The following CDC14B variants were observed in gnomAD, a reference collection of about 807,000 sequenced individuals.
CDC14B encodes dual specificity protein phosphatase CDC14B.
CDC14B carries 22 observed loss-of-function variants against 64.2 expected under a neutral mutation model. The ratio of observed to expected loss-of-function variants is 0.34; its 90% confidence interval spans 0.24 to 0.49. CDC14B has a LOEUF of 0.49. CDC14B is among the 20% of genes least tolerant of loss of function. The probability of loss-of-function intolerance (pLI) is 0.99; values close to 1 mark genes in which losing one functional copy is unlikely to be tolerated. For synonymous variants in CDC14B, 191 were observed against 215.8 expected (o/e 0.89, Z 1.01); for missense variants, 498 against 629.9 (o/e 0.79, Z 2.24).
At chr9:96,499,433 G>A (rs576339196), downstream of CDC14B, among the ~76,000 whole-genome samples, 5 of 152,350 alleles carry the variant, frequency 3.3e-5, no homozygotes, top group East Asian at 9.6e-4. Context: ...TCCGGGGTTG[G>A]ACCACAAGCT....
At chr9:96,561,412 A>G (rs1362456975) in intron 4 of CDC14B, among the ~76,000 whole-genome samples, 2 of 152,238 alleles carry the variant, frequency 1.3e-5, no homozygotes, top group Non-Finnish European at 1.5e-5. Flanking sequence ...ATGGTCCGGT[A>G]AGGCATGCCA....
chr9:96,543,466 A>G (rs1840378667), intron 5 of CDC14B, among the ~76,000 whole-genome samples: 1 of 152,206 alleles, frequency 6.6e-6, no homozygotes. Context: ...AGTAATACCA[A>G]TAAAACCACA....
At chr9:96,590,350 C>T (rs1446395485) in intron 1 of CDC14B, among the ~76,000 whole-genome samples, 1 of 150,552 alleles carries the variant, frequency 6.6e-6, no homozygotes, top group African/African-American at 2.5e-5. Flanking sequence ...GATAATATTC[C>T]ACTGTTAGAT....
At chr9:96,510,459 C>T (rs1160073681) in intron 12 of CDC14B, among the ~76,000 whole-genome samples, 1 of 151,512 alleles carries the variant, frequency 6.6e-6, no homozygotes, top group African/African-American at 2.4e-5. Flanking sequence ...GGAGGAAGCA[C>T]ACGATGAATC....
chr9:96,507,982 T>G (rs772327516), intron 13 of CDC14B, among the ~76,000 whole-genome samples: 4 of 152,114 alleles, frequency 2.6e-5, no homozygotes, highest in African/African-American at 9.7e-5. Flanking sequence ...TATAGTATAC[T>G]TACGCTTACA....
chr9:96,547,841 T>C (rs1378563869), intron 5 of CDC14B, among the ~76,000 whole-genome samples: 1 of 151,894 alleles, frequency 6.6e-6, no homozygotes, highest in Non-Finnish European at 1.5e-5. Flanking sequence ...CTGTTTTTTT[T>C]TTGAGATGGA....
intron 4 of CDC14B, among the ~76,000 whole-genome samples, chr9:96,556,966 C>T (rs571250396): frequency 4.6e-5 from 7 of 152,164 alleles, no homozygotes; most frequent in Admixed American, 4.6e-4. Context: ...AGGAACCCAT[C>T]CTATCTAAAA....
intron 1 of CDC14B, among the ~76,000 whole-genome samples, chr9:96,606,056 G>A (rs188635148): frequency 6.6e-5 from 10 of 150,936 alleles, no homozygotes; most frequent in Admixed American, 4.0e-4. Flanking sequence ...TTTGCTGCCC[G>A]GGAATGGTGG....
At chr9:96,510,411 A>C (rs765958656) in intron 12 of CDC14B, among the ~76,000 whole-genome samples, 43 of 152,178 alleles carry the variant, frequency 2.8e-4, no homozygotes, top group Non-Finnish European at 5.4e-4. Context: ...AACTCTAAAA[A>C]GCTTGAGAAA....
In CDC14B at chr9:96,619,747, C is replaced by A. The variant is rs1564401596; in HGVS notation, c.-369G>T. On this transcript the variant is annotated 5_prime_UTR_variant, in exon 1 of 14. Coordinates refer to ENST00000375241, the MANE Select transcript of CDC14B (RefSeq NM_033331.4). ...AGCTGCCCGGGGTAACCGTGCGTGCCCACCGCGGCCGCGGCCGCTGCTGCG... is the reference window on the plus strand; with the variant it reads ...AGCTGCCCGGGGTAACCGTGCGTGCACACCGCGGCCGCGGCCGCTGCTGCG... 1 of 151,124 alleles carries A rather than the reference C, an allele frequency of 6.6e-6. No homozygotes were observed. The allele number at this position is 151,124 out of a possible 1,614,324, so 9.4% of individuals were successfully genotyped here.
At chr9:96,556,965 T>C (rs1446493708) in intron 4 of CDC14B, among the ~76,000 whole-genome samples, 1 of 152,102 alleles carries the variant, frequency 6.6e-6, no homozygotes, top group African/African-American at 2.4e-5. Context: ...CAGGAACCCA[T>C]CCTATCTAAA....
At chr9:96,582,576 T>C (rs1362531765) in intron 1 of CDC14B, among the ~76,000 whole-genome samples, 1 of 152,226 alleles carries the variant, frequency 6.6e-6, no homozygotes, top group Non-Finnish European at 1.5e-5. Flanking sequence ...AAGTTATAAA[T>C]GACCCTGTCT....
intron 1 of CDC14B, among the ~76,000 whole-genome samples, chr9:96,580,035 G>A (rs1282526609): frequency 6.6e-6 from 1 of 151,878 alleles, no homozygotes. Flanking sequence ...ACAGTCCGAT[G>A]AAAATAATCA....
At chr9:96,577,952 A>G (rs1439069004) in intron 1 of CDC14B, among the ~76,000 whole-genome samples, 1 of 152,228 alleles carries the variant, frequency 6.6e-6, no homozygotes, top group East Asian at 1.9e-4. Context: ...CACACACATC[A>G]CAAACAATGC....
rs1251031966 is a variant in CDC14B, at chr9:96,601,885, C to T, written c.160+17334G>A. On this transcript the variant is annotated intron_variant, in intron 1 of 13. Coordinates refer to ENST00000375241, the MANE Select transcript of CDC14B (RefSeq NM_033331.4). ...CCATCCTGGCTAACACAGTGAAATC[C>T]CATCTCCACTAAAAATACAAAAAAT... Among the ~76,000 whole-genome samples, 6 of 151,124 alleles carry T rather than the reference C, an allele frequency of 4.0e-5. No individual in the cohort carries two copies. The South Asian group carries it at 1.0e-3, about 26-fold the overall frequency.
chr9:96,541,836 G>A lies in CDC14B; in HGVS notation c.554C>T (p.Ala185Val). The A allele has an allele frequency of 2.5e-6, 4 of 1,604,116 alleles. No homozygotes were observed. Among genetic ancestry groups the A allele is most frequent in the Non-Finnish European group, 3.4e-6 (4 of 1,173,276 alleles). ...FYITLLDCFH[A>V]VKKAMQYGFL... ...CTACATGTCACTCACCTTCTTTACT[G>A]CATGAAAACAGTCAAGAAGTGTAAT... The change falls in exon 6 of 14, where the codon GCA becomes GTA. Residue 185 changes from alanine (A) to valine (V), a missense_variant. Physicochemically the swap from Ala to Val is moderately conservative, Grantham distance 64 (BLOSUM62 0). Coordinates refer to ENST00000375241, the MANE Select transcript of CDC14B (RefSeq NM_033331.4).
chr9:96,617,616 C>T (rs554794410), intron 1 of CDC14B, among the ~76,000 whole-genome samples: 1 of 152,146 alleles, frequency 6.6e-6, no homozygotes, highest in Non-Finnish European at 1.5e-5. Flanking sequence ...GCTACTCGCA[C>T]GTGTATGGTA....
intron 12 of CDC14B, among the ~76,000 whole-genome samples, chr9:96,519,505 G>C (rs1836310043): frequency 6.6e-6 from 1 of 152,022 alleles, no homozygotes; most frequent in African/African-American, 2.4e-5. Flanking sequence ...GGAGGCTGAG[G>C]TGGGTGTACC....
At chr9:96,595,537 T>C (rs1846021176) in intron 1 of CDC14B, among the ~76,000 whole-genome samples, 1 of 152,208 alleles carries the variant, frequency 6.6e-6, no homozygotes, top group Non-Finnish European at 1.5e-5. Flanking sequence ...TTAACAGCAC[T>C]ATTCATAATA....
Sources: allele counts gnomAD v4.1 joint callset (sites outside exome capture counted in the v4.1 genomes callset), GRCh38; gene constraint gnomAD v4.1.1; transcripts MANE v1.5; gene names NCBI Gene and HGNC (gene_info 2026-07-23, HGNC 2026-07-21).